The following CDKL4 variants were observed in gnomAD, a reference collection of about 807,000 sequenced individuals.
CDKL4 encodes cyclin-dependent kinase-like 4.
CDKL4 carries 44 observed loss-of-function variants against 42.0 expected under a neutral mutation model. The ratio of observed to expected loss-of-function variants is 1.05; its 90% CI spans 0.82 to 1.35. CDKL4 has a LOEUF of 1.35. CDKL4 is among the 40% of genes most tolerant of loss of function. The pLI is 0.00. For missense variants in CDKL4, 393 were observed against 369.9 expected (o/e 1.06, Z -0.51); for synonymous variants, 120 against 121.6 (o/e 0.99, Z 0.09).
rs567795598 is a variant in CDKL4, at chr2:39,224,694, G to T, written c.290+1145C>A. On this transcript the variant is annotated intron_variant, in intron 3 of 9. Coordinates refer to ENST00000451199, the Ensembl canonical transcript of CDKL4. ...AATTTTTATCTTTTTAGTAGAGACAGGGGTTCACCATGTTGGCCAGGCTTG... is the reference window on the plus strand; with the variant it reads ...AATTTTTATCTTTTTAGTAGAGACATGGGTTCACCATGTTGGCCAGGCTTG... 2.2e-3 allele frequency among the ~76,000 whole-genome samples: 329 copies of T among 151,974 alleles called. 1 individual carries two copies. The highest frequency in any genetic ancestry group is 7.4e-3 in the African/African-American group (307 of 41,432).
chr2:39,183,151 G>A (rs1380955079), intron 8 of CDKL4, among the ~76,000 whole-genome samples: 3 of 152,052 alleles, frequency 2.0e-5, no homozygotes, highest in South Asian at 2.1e-4. Context: ...GTGGTGGCGT[G>A]TGCCTGTAGT....
intron 1 of CDKL4, among the ~76,000 whole-genome samples, chr2:39,243,407 A>C (rs530797993): frequency 6.8e-4 from 103 of 152,336 alleles, no homozygotes; most frequent in African/African-American, 1.3e-3. Context: ...GACTAATTAA[A>C]AGCATCCCCA....
At chr2:39,200,769 T>A (rs952363530) in intron 5 of CDKL4, among the ~76,000 whole-genome samples, 46 of 152,074 alleles carry the variant, frequency 3.0e-4, no homozygotes, top group Admixed American at 2.6e-3. Flanking sequence ...ATGGTGCTGG[T>A]ATAATTGGCA....
intron 6 of CDKL4, among the ~76,000 whole-genome samples, chr2:39,189,590 G>A (rs556136601): frequency 7.9e-5 from 12 of 152,254 alleles, no homozygotes; most frequent in Admixed American, 3.9e-4. Context: ...TTAGGATCTC[G>A]GGCAGGAGTG....
intron 5 of CDKL4, among the ~76,000 whole-genome samples, chr2:39,195,613 T>C (rs1676463071): frequency 6.6e-6 from 1 of 151,910 alleles, no homozygotes; most frequent in African/African-American, 2.4e-5. Context: ...GCTTCTTTTT[T>C]ACTTTTTATT....
intron 5 of CDKL4, among the ~76,000 whole-genome samples, chr2:39,202,728 C>T (rs1676930256): frequency 6.6e-6 from 1 of 152,128 alleles, no homozygotes; most frequent in Admixed American, 6.5e-5. Context: ...GTCCAACTTC[C>T]TTCTTTTGCA....
chr2:39,233,161 G>A (rs367832934), intron 1 of CDKL4, among the ~76,000 whole-genome samples: 4 of 151,918 alleles, frequency 2.6e-5, no homozygotes, highest in African/African-American at 7.3e-5. Flanking sequence ...AGATATGAGA[G>A]GGGTGAGATC....
At chr2:39,172,327 AAAAAAG>A (rs748794273), downstream of CDKL4, among the ~76,000 whole-genome samples, 9 of 152,092 alleles carry the variant, frequency 5.9e-5, no homozygotes, top group African/African-American at 1.9e-4. Context: ...TCCGAAAAAA[AAAAAAG>A]AAAAAGAAAA....
intron 2 of CDKL4, among the ~76,000 whole-genome samples, chr2:39,228,596 C>A (rs188164904): frequency 1.3e-3 from 196 of 152,250 alleles, no homozygotes; most frequent in Admixed American, 2.1e-3. Flanking sequence ...GCACTTCCTG[C>A]GTACTCAGAA....
At chr2:39,188,710 G>T (rs912518795) in intron 6 of CDKL4, among the ~76,000 whole-genome samples, 1 of 150,900 alleles carries the variant, frequency 6.6e-6, no homozygotes. Context: ...TATTTTTTCA[G>T]ACAGGGTCTC....
chr2:39,226,465 T>TTA (rs1491102430), intron 2 of CDKL4, among the ~76,000 whole-genome samples: 2 of 102,768 alleles, frequency 1.9e-5, no homozygotes, highest in African/African-American at 5.6e-5. Flanking sequence ...ATTATATATA[T>TTA]TATATATATA....
At chr2:39,235,393 G>A (rs2148403806) in intron 1 of CDKL4, among the ~76,000 whole-genome samples, 1 of 152,260 alleles carries the variant, frequency 6.6e-6, no homozygotes, top group Non-Finnish European at 1.5e-5. Flanking sequence ...AAAGTAGAAA[G>A]TAATGCAACT....
chr2:39,198,411 C>G (rs1250078103), intron 5 of CDKL4, among the ~76,000 whole-genome samples: 1 of 152,132 alleles, frequency 6.6e-6, no homozygotes, highest in Non-Finnish European at 1.5e-5. Context: ...CAACACTCCA[C>G]TGACAACACT....
At chr2:39,208,729 C>T (rs1364133189) in intron 4 of CDKL4, among the ~76,000 whole-genome samples, 1 of 142,974 alleles carries the variant, frequency 7.0e-6, no homozygotes, top group Non-Finnish European at 1.5e-5. Flanking sequence ...TTTTGGCTCA[C>T]AGGCCAGCCT....
chr2:39,229,504 G>A (rs1292511479), exon 2 of CDKL4: 1 of 1,606,976 alleles, frequency 6.2e-7, no homozygotes, highest in Non-Finnish European at 8.5e-7. Context: ...CCCTTCTCCA[G>A]TCTTAGCTAA....
the CDKL4 span, among the ~76,000 whole-genome samples, chr2:39,168,512 G>A: frequency 6.6e-6 from 1 of 152,052 alleles, no homozygotes; most frequent in Non-Finnish European, 1.5e-5. Context: ...GAGGCGGGTG[G>A]ATCACCCAAG....
intron 3 of CDKL4, among the ~76,000 whole-genome samples, chr2:39,223,593 TTTTGAAGACTTC>T (rs1161129324): frequency 3.5e-5 from 5 of 142,996 alleles, no homozygotes; most frequent in African/African-American, 1.4e-4. Flanking sequence ...TTTTTTTTTT[TTTTGAAGACTTC>T]TGTCTTCAAA....
At chr2:39,237,676 C>A (rs1679443237) in intron 1 of CDKL4, among the ~76,000 whole-genome samples, 2 of 152,150 alleles carry the variant, frequency 1.3e-5, no homozygotes, top group South Asian at 2.1e-4. Flanking sequence ...AGTAACACAG[C>A]AAGAACCCCA....
intron 5 of CDKL4, among the ~76,000 whole-genome samples, chr2:39,192,702 T>C (rs1052426705): frequency 3.3e-5 from 5 of 152,146 alleles, no homozygotes; most frequent in Admixed American, 3.3e-4. Context: ...GTTTAATGGC[T>C]GCATAACAGC....
Sources: allele counts gnomAD v4.1 joint callset (sites outside exome capture counted in the v4.1 genomes callset), GRCh38; gene constraint gnomAD v4.1.1; transcripts MANE v1.5; gene names NCBI Gene and HGNC (gene_info 2026-07-23, HGNC 2026-07-21).